The following EPC2 variants were observed in gnomAD, a reference collection of about 807,000 sequenced individuals.
EPC2 encodes the protein enhancer of polycomb homolog 2.
A neutral mutation model predicts 92.1 loss-of-function variants in EPC2; 14 were observed. The ratio of observed to expected loss-of-function variants is 0.15; its 90% CI spans 0.10 to 0.24. The LOEUF (loss-of-function observed/expected upper bound fraction) is 0.24, where lower values mean the gene tolerates loss of function less well. Among genes scored for constraint, EPC2 ranks in the 10% least tolerant of loss-of-function variants. The probability of loss-of-function intolerance (pLI) is 1.00; values close to 1 mark genes in which losing one functional copy is unlikely to be tolerated. For missense variants in EPC2, 755 were observed against 971.5 expected (o/e 0.78, Z 2.96); for synonymous variants, 340 against 334.7 (o/e 1.02, Z -0.17).
chr2:148,655,106 T>C (rs751168279), intron 1 of EPC2, among the ~76,000 whole-genome samples: 61 of 152,204 alleles, frequency 4.0e-4, no homozygotes, highest in Non-Finnish European at 6.2e-4. Flanking sequence ...GTTTCTCAAC[T>C]GGGGCACTAT....
At chr2:148,768,859 T>G (rs1683464882) in intron 7 of EPC2, among the ~76,000 whole-genome samples, 1 of 152,174 alleles carries the variant, frequency 6.6e-6, no homozygotes, top group Admixed American at 6.5e-5. Flanking sequence ...TAAAATATAA[T>G]GGGATGTATA....
chr2:148,645,333 G>T, intron 1 of EPC2, 163 bp downstream of exon 1: 1 of 605,296 alleles, frequency 1.7e-6, no homozygotes, highest in Non-Finnish European at 2.8e-6. Flanking sequence ...CCTCTCGGCC[G>T]GCGTAGCGCC....
At position 148,690,319 on chromosome 2, in the gene EPC2, A is replaced by C; in HGVS notation, c.259A>C (p.Asn87His). ...GGCAGAGAGCAACGTCAACTATTAC[A>C]ATCGCTTGTACAAAGGAGAGTTTAA... ...PEAESNVNYYNRLYKGEFKQP... is the reference protein window; with the variant it reads ...PEAESNVNYYHRLYKGEFKQP... Residue 87 changes from asparagine (N) to histidine (H), a missense_variant, in exon 2 of 14, where the codon AAT becomes CAT. Coordinates refer to ENST00000258484, the MANE Select transcript of EPC2 (RefSeq NM_015630.4). 2.3e-5 allele frequency: 37 copies of C among 1,612,446 alleles called. No individual in the cohort carries two copies. The highest frequency in any genetic ancestry group is 3.1e-5 in the Non-Finnish European group (37 of 1,179,392).
At chr2:148,688,433 G>A (rs1274911603) in intron 1 of EPC2, among the ~76,000 whole-genome samples, 3 of 151,984 alleles carry the variant, frequency 2.0e-5, no homozygotes, top group Non-Finnish European at 4.4e-5. Flanking sequence ...GAGGGGGGAC[G>A]GATAGCATTA....
At chr2:148,676,454 CATT>C (rs980814614) in intron 1 of EPC2, among the ~76,000 whole-genome samples, 17 of 151,660 alleles carry the variant, frequency 1.1e-4, no homozygotes, top group East Asian at 3.9e-4. Context: ...TATTTTATAA[CATT>C]AATATAATTA....
At chr2:148,685,112 A>T (rs1681487417) in intron 1 of EPC2, among the ~76,000 whole-genome samples, 1 of 151,952 alleles carries the variant, frequency 6.6e-6, no homozygotes, top group Non-Finnish European at 1.5e-5. Context: ...GGAGTTTCTT[A>T]TATATTCTTG....
rs531555544 is a variant in EPC2, at chr2:148,766,299, A to C, written c.1140+1153A>C. ...AAACTCTTCATTGCTATAACCATTT[A>C]AAATCTGGAGTTTGCATAAAATGTG... On this transcript the variant is annotated intron_variant, in intron 7 of 13. Coordinates refer to ENST00000258484, the MANE Select transcript of EPC2 (RefSeq NM_015630.4). Among the ~76,000 whole-genome samples, 3 of 152,358 alleles carry C rather than the reference A, an allele frequency of 2.0e-5. No homozygotes were observed. The South Asian group carries it at 6.2e-4, about 32-fold the overall frequency.
intron 4 of EPC2, among the ~76,000 whole-genome samples, chr2:148,757,816 C>G (rs1683220685): frequency 6.6e-6 from 1 of 151,618 alleles, no homozygotes; most frequent in Admixed American, 6.6e-5. Flanking sequence ...GCCTGGGCAA[C>G]AAGAGTGAAA....
At chr2:148,734,138 T>C (rs1558823912) in intron 2 of EPC2, among the ~76,000 whole-genome samples, 1 of 152,164 alleles carries the variant, frequency 6.6e-6, no homozygotes, top group Non-Finnish European at 1.5e-5. Flanking sequence ...CACAGAATAA[T>C]AGAAAAAATT....
In EPC2 at chr2:148,683,558, A is replaced by G. The variant is rs1204726504; in HGVS notation, c.154-6656A>G. Reference sequence around the variant, plus strand: ...TGGGATTACAGCTGTGAGCCACCACACCTGGCCCATTATATCATTCTTATG... The same window carrying G: ...TGGGATTACAGCTGTGAGCCACCACGCCTGGCCCATTATATCATTCTTATG... On this transcript the variant is annotated intron_variant, in intron 1 of 13. Transcript: ENST00000258484. Among the ~76,000 whole-genome samples, 5 of 152,146 alleles carry G rather than the reference A, an allele frequency of 3.3e-5. No individual in the cohort carries two copies. In the South Asian group the frequency reaches 6.2e-4, roughly 19 times the overall value.
intron 2 of EPC2, among the ~76,000 whole-genome samples, chr2:148,714,768 G>C (rs1682223346): frequency 6.6e-6 from 1 of 151,938 alleles, no homozygotes; most frequent in African/African-American, 2.4e-5. Flanking sequence ...TTTTTTTCTT[G>C]TAAATTTGTT....
chr2:148,689,109 T>G (rs1211057982), intron 1 of EPC2, among the ~76,000 whole-genome samples: 1 of 152,044 alleles, frequency 6.6e-6, no homozygotes, highest in Non-Finnish European at 1.5e-5. Context: ...GTGGCTAGAA[T>G]TAAAGATTGG....
intron 10 of EPC2, among the ~76,000 whole-genome samples, chr2:148,772,537 C>T (rs1019136758): frequency 6.6e-6 from 1 of 152,066 alleles, no homozygotes; most frequent in Non-Finnish European, 1.5e-5. Flanking sequence ...TACTGAACTG[C>T]CTGTTTTCCA....
Position 148,721,890 on chromosome 2 carries a change from C to CTTTTTTTTT in EPC2, c.314-21723_314-21715dup. On this transcript the variant is annotated intron_variant, in intron 2 of 13. Transcript: ENST00000258484. ...TTTGTTTCTTTTTCTGTTTTGATTTCTTTTTTTTTTTTTTTTTCAGAATTC... is the reference window on the plus strand; with the variant it reads ...TTTGTTTCTTTTTCTGTTTTGATTTCTTTTTTTTTTTTTTTTTTTTTTTTTTCAGAATTC... 4.9e-3 allele frequency among the ~76,000 whole-genome samples: 300 copies of CTTTTTTTTT among 60,716 alleles called. 18 individuals are homozygous for CTTTTTTTTT. The highest frequency in any genetic ancestry group is 0.018 in the Middle Eastern group (1 of 56). The allele number at this position is 60,716 out of a possible 152,430, so 39.8% of individuals were successfully genotyped here.
At chr2:148,683,042 T>A (rs1681438538) in intron 1 of EPC2, among the ~76,000 whole-genome samples, 1 of 152,212 alleles carries the variant, frequency 6.6e-6, no homozygotes, top group South Asian at 2.1e-4. Context: ...CTGCTTTTTT[T>A]TTCCTTATTC....
At chr2:148,654,451 G>A (rs1402148702) in intron 1 of EPC2, among the ~76,000 whole-genome samples, 1 of 152,144 alleles carries the variant, frequency 6.6e-6, no homozygotes, top group Non-Finnish European at 1.5e-5. Flanking sequence ...GAGGCCAGGA[G>A]TTTTGAGACC....
chr2:148,758,556 C>T (rs1327416837), intron 4 of EPC2, among the ~76,000 whole-genome samples: 6 of 151,990 alleles, frequency 3.9e-5, no homozygotes, highest in African/African-American at 1.2e-4. Flanking sequence ...CCACCACACC[C>T]GGGTAATTTT....
chr2:148,762,287 A>T (rs1683314665), intron 5 of EPC2: 1 of 184,742 alleles, frequency 5.4e-6, no homozygotes, highest in South Asian at 1.4e-4. Context: ...TTTTCTGAGT[A>T]GGTAGACATT....
At chr2:148,758,522 A>G (rs1483580482) in intron 4 of EPC2, among the ~76,000 whole-genome samples, 1 of 152,020 alleles carries the variant, frequency 6.6e-6, no homozygotes, top group African/African-American at 2.4e-5. Flanking sequence ...CAGCCTCCCA[A>G]ATAGCTGGGA....
Sources: allele counts gnomAD v4.1 joint callset (sites outside exome capture counted in the v4.1 genomes callset), GRCh38; gene constraint gnomAD v4.1.1; transcripts MANE v1.5; gene names NCBI Gene and HGNC (gene_info 2026-07-23, HGNC 2026-07-21).